The following LPXN variants were observed in gnomAD, a reference collection of about 807,000 sequenced individuals.
LPXN encodes the protein leupaxin.
In LPXN, 28 loss-of-function variants were observed where a neutral mutation model predicts 45.6. The observed-to-expected ratio is 0.61, with a 90% CI of 0.45 to 0.84. The LOEUF (loss-of-function observed/expected upper bound fraction) is 0.84. Ranked by LOEUF, LPXN falls within the 40% of genes least tolerant of loss-of-function variation. The probability of loss-of-function intolerance (pLI) is 0.00; values close to 1 mark genes in which losing one functional copy is unlikely to be tolerated. For missense variants in LPXN, 459 were observed against 475.0 expected, an observed-to-expected ratio of 0.97 and a Z score of 0.31; for synonymous variants, 166 against 169.9, an observed-to-expected ratio of 0.98 and a Z score of 0.18.
intron 3 of LPXN, among the ~76,000 whole-genome samples, chr11:58,556,224 T>G (rs952778091): frequency 6.6e-6 from 1 of 151,984 alleles, no homozygotes; most frequent in East Asian, 1.9e-4. Flanking sequence ...CAAAAATAGT[T>G]TGAAATTCAA....
At position 58,527,261 on chromosome 11, in the gene LPXN, C is replaced by G; in HGVS notation, c.*193G>C. On this transcript the variant is annotated 3_prime_UTR_variant, in exon 9 of 9. Transcript: ENST00000395074. ...GGAGAAAGAGAATTTATAGAATTAACTGTATAGAAGCCTAAAAAATAAGAT... is the reference window on the plus strand; with the variant it reads ...GGAGAAAGAGAATTTATAGAATTAAGTGTATAGAAGCCTAAAAAATAAGAT... 1.8e-6 allele frequency: 1 copy of G among 570,828 alleles called. No individual in the cohort carries two copies. Among genetic ancestry groups the G allele is most frequent in the Non-Finnish European group, 3.1e-6 (1 of 324,470 alleles). 35.4% of individuals were successfully genotyped at this position (570,828 alleles called of 1,614,324 possible).
chr11:58,547,611 C>T (rs1483035958), intron 7 of LPXN, among the ~76,000 whole-genome samples: 2 of 152,094 alleles, frequency 1.3e-5, no homozygotes, highest in African/African-American at 2.4e-5. Flanking sequence ...GATAACAAAG[C>T]GAGGTCAGGA....
rs1246615413 is a variant in LPXN at position 58,526,987 on chromosome 11, A to T, written c.*467T>A. The T allele has an allele frequency of 6.4e-6, 1 of 156,966 alleles. No individual in the cohort carries two copies. The highest frequency in any genetic ancestry group is 2.4e-5 in the African/African-American group (1 of 41,502). 9.7% of individuals were successfully genotyped at this position (156,966 alleles called of 1,614,324 possible). A position where few individuals can be genotyped will look rare whatever the true frequency, so the allele number is the denominator to read the frequency against. On this transcript the variant is annotated 3_prime_UTR_variant, in exon 9 of 9. Coordinates refer to ENST00000395074, the MANE Select transcript of LPXN (RefSeq NM_004811.3). ...CACTGAAGGAAGATGCAAAGAGCTA[A>T]AAGTGGTATCATGATTCCACAGCAG...
intron 2 of LPXN, among the ~76,000 whole-genome samples, chr11:58,565,317 A>G (rs1467837654): frequency 1.3e-5 from 2 of 151,754 alleles, no homozygotes; most frequent in Non-Finnish European, 2.9e-5. Flanking sequence ...GCGGATCACG[A>G]GGTCAGGAGA....
intron 7 of LPXN, among the ~76,000 whole-genome samples, chr11:58,536,652 G>C (rs1381098779): frequency 6.6e-6 from 1 of 152,134 alleles, no homozygotes; most frequent in South Asian, 2.1e-4. Context: ...AGCCAAAATA[G>C]ACAAATGGGA....
chr11:58,531,493 G>A (rs1388313343), intron 7 of LPXN, among the ~76,000 whole-genome samples: 1 of 151,698 alleles, frequency 6.6e-6, no homozygotes, highest in Non-Finnish European at 1.5e-5. Flanking sequence ...TAAAGCAAGA[G>A]GACAAGATTA....
intron 7 of LPXN, among the ~76,000 whole-genome samples, chr11:58,537,845 A>T (rs1853597306): frequency 6.6e-6 from 1 of 151,012 alleles, no homozygotes; most frequent in Admixed American, 6.6e-5. Flanking sequence ...ATATGTATAC[A>T]TGTGCCATGC....
intron 3 of LPXN, among the ~76,000 whole-genome samples, chr11:58,555,986 C>G (rs1590563851): frequency 6.6e-6 from 1 of 152,038 alleles, no homozygotes; most frequent in Admixed American, 6.6e-5. Context: ...AAAACAAAAA[C>G]TGACAGTTTT....
At chr11:58,575,877 G>A (rs564533086), upstream of LPXN, 1 of 1,608,486 alleles carries the variant, frequency 6.2e-7, no homozygotes, top group South Asian at 1.1e-5. Context: ...GCATAAGGCA[G>A]CCTCTATAAA....
At chr11:58,561,638 C>A (rs1854381116) in intron 3 of LPXN, among the ~76,000 whole-genome samples, 1 of 152,224 alleles carries the variant, frequency 6.6e-6, no homozygotes, top group Admixed American at 6.5e-5. Context: ...TGAACACATT[C>A]TGCTGCCCTA....
chr11:58,558,286 T>C (rs1239055716), intron 3 of LPXN, among the ~76,000 whole-genome samples: 1 of 151,750 alleles, frequency 6.6e-6, no homozygotes, highest in African/African-American at 2.4e-5. Flanking sequence ...TTCATACCTG[T>C]GATCCCTTTG....
Position 58,527,629 on chromosome 11 carries a change from C to G in LPXN, c.986G>C (p.Cys329Ser), listed in dbSNP as rs747344616. 1 of 1,614,178 alleles carries G rather than the reference C, an allele frequency of 6.2e-7. No homozygotes were observed. The highest frequency in any genetic ancestry group is 1.1e-5 in the South Asian group (1 of 91,080). ...AGTGATGGGCTGCCCACACCCATGGCAGAGCGTTCCCCGGCGGTGATGGTA... is the reference window on the plus strand; with the variant it reads ...AGTGATGGGCTGCCCACACCCATGGGAGAGCGTTCCCCGGCGGTGATGGTA... Reference protein sequence around the residue: ...LHYHHRRGTLCHGCGQPITGR... With the variant: ...LHYHHRRGTLSHGCGQPITGR... The change falls in exon 9 of 9, where the codon TGC becomes TCC. Residue 329 changes from cysteine to serine, a missense_variant. Cys to Ser is a moderately radical substitution (Grantham distance 112, BLOSUM62 -1). Coordinates refer to ENST00000395074, the MANE Select transcript of LPXN (RefSeq NM_004811.3).
At chr11:58,546,088 A>T (rs1356176632) in intron 7 of LPXN, among the ~76,000 whole-genome samples, 1 of 152,206 alleles carries the variant, frequency 6.6e-6, no homozygotes, top group African/African-American at 2.4e-5. Context: ...AAGAGAAAAA[A>T]GTAAAGGATA....
chr11:58,543,867 T>C (rs1853803423), intron 7 of LPXN, among the ~76,000 whole-genome samples: 1 of 152,170 alleles, frequency 6.6e-6, no homozygotes. Flanking sequence ...ACACTATTTC[T>C]AGAAATCAGC....
chr11:58,573,257 AAAAAG>A (rs1307603072), intron 1 of LPXN, among the ~76,000 whole-genome samples: 1 of 151,634 alleles, frequency 6.6e-6, no homozygotes, highest in Non-Finnish European at 1.5e-5. Flanking sequence ...AAAAAAAAAA[AAAAAG>A]AAAAGAAAAG....
intron 7 of LPXN, among the ~76,000 whole-genome samples, chr11:58,529,170 G>T (rs900343519): frequency 6.6e-6 from 1 of 151,900 alleles, no homozygotes; most frequent in Non-Finnish European, 1.5e-5. Context: ...AATAAATTTA[G>T]CTACATAAAA....
At position 58,564,199 on chromosome 11, in the gene LPXN, C is replaced by T. The variant is rs201430932; in HGVS notation, c.174G>A (p.Ala58=). ...GGATATTGGTAGTATACACGAGCTG[C>T]GCCTAAGATATATAAGTGACAAGAG... is the stretch of plus-strand genomic sequence containing the variant. ...SIQDNTSPLP[A]QLVYTTNIQE... is the part of the protein sequence containing the mutation. Residue 58 remains alanine (A), a splice_region_variant and synonymous_variant, in exon 3 of 9, where the codon GCG becomes GCA. Transcript: ENST00000395074. The T allele has an allele frequency of 7.9e-5, 127 of 1,601,954 alleles. No homozygotes were observed. The Middle Eastern group carries it at 8.3e-4, about 10-fold the overall frequency.
chr11:58,572,878 T>A lies in LPXN; in HGVS notation c.14-2165A>T, dbSNP rs112197034. 5.3e-5 allele frequency among the ~76,000 whole-genome samples: 8 copies of A among 152,344 alleles called. 1 individual carries two copies. The highest frequency in any genetic ancestry group is 1.7e-4 in the African/African-American group (7 of 41,578). On this transcript the variant is annotated intron_variant, in intron 1 of 8. Transcript: ENST00000395074. ...GATTGTTTCAACTGGTTGATGGGTA[T>A]ATCAGAATTCATTAAACTATTTTCT...
intron 7 of LPXN, among the ~76,000 whole-genome samples, chr11:58,541,288 C>CA (rs747993199): frequency 1.3e-5 from 2 of 152,276 alleles, no homozygotes; most frequent in South Asian, 2.1e-4. Context: ...ACAACCTACT[C>CA]ATGTGACAAA....
Sources: allele counts gnomAD v4.1 joint callset (sites outside exome capture counted in the v4.1 genomes callset), GRCh38; gene constraint gnomAD v4.1.1; transcripts MANE v1.5; gene names NCBI Gene and HGNC (gene_info 2026-07-23, HGNC 2026-07-21).